KHDRBS2: variants seen among roughly 807,000 people sequenced by gnomAD.
KHDRBS2 encodes the protein KH domain-containing, RNA-binding, signal transduction-associated protein 2.
Under a neutral mutation model 44.3 loss-of-function variants are expected in KHDRBS2, and 26 were observed. The observed-to-expected ratio is 0.59, with a 90% CI of 0.43 to 0.81. The LOEUF is 0.81. Among genes scored for constraint, KHDRBS2 ranks in the 40% least tolerant of loss-of-function variants. KHDRBS2 has a pLI of 0.00. For synonymous variants in KHDRBS2, 194 were observed against 151.1 expected (o/e 1.28, Z -2.08); for missense variants, 476 against 433.1 (o/e 1.10, Z -0.88).
chr6:61,772,444 G>A, intron 6 of KHDRBS2, among the ~76,000 whole-genome samples: 1 of 151,954 alleles, frequency 6.6e-6, no homozygotes, highest in Middle Eastern at 3.4e-3. Context: ...AAGAAGAAAA[G>A]AATAAAATAG....
At chr6:61,693,634 T>C (rs935501812) in intron 8 of KHDRBS2, among the ~76,000 whole-genome samples, 7 of 152,318 alleles carry the variant, frequency 4.6e-5, no homozygotes, top group Admixed American at 4.6e-4. Context: ...TTCTACATTT[T>C]CCTTATTACT....
chr6:61,865,858 A>C (rs1797708649), intron 6 of KHDRBS2, among the ~76,000 whole-genome samples: 1 of 152,216 alleles, frequency 6.6e-6, no homozygotes, highest in Non-Finnish European at 1.5e-5. Context: ...TTAAAGCTCC[A>C]AAATGATCTC....
chr6:61,949,124 TG>T (rs1243925513), intron 4 of KHDRBS2, among the ~76,000 whole-genome samples: 3 of 152,120 alleles, frequency 2.0e-5, no homozygotes, highest in African/African-American at 4.8e-5. Context: ...GAAGAGGCTG[TG>T]ATTGTCATCC....
At chr6:61,769,331 G>A (rs909763796) in intron 6 of KHDRBS2, among the ~76,000 whole-genome samples, 1 of 152,108 alleles carries the variant, frequency 6.6e-6, no homozygotes, top group Non-Finnish European at 1.5e-5. Flanking sequence ...AGTGGGTGCA[G>A]CGCACTGTGC....
chr6:61,571,022 G>A, the KHDRBS2 span, among the ~76,000 whole-genome samples: 2 of 151,658 alleles, frequency 1.3e-5, no homozygotes, highest in Non-Finnish European at 2.9e-5. Flanking sequence ...AAAAAACAAG[G>A]TATTAAGGCA....
chr6:61,902,169 G>A (rs1280612705), intron 4 of KHDRBS2, among the ~76,000 whole-genome samples: 5 of 151,990 alleles, frequency 3.3e-5, no homozygotes, highest in Non-Finnish European at 5.9e-5. Flanking sequence ...GGCTGGTCTC[G>A]AACTCCTGGT....
At chr6:61,695,455 G>A (rs1339972827) in intron 8 of KHDRBS2, among the ~76,000 whole-genome samples, 1 of 152,076 alleles carries the variant, frequency 6.6e-6, no homozygotes, top group Admixed American at 6.6e-5. Context: ...ATAGATAGAT[G>A]TATAATTTCT....
At chr6:61,792,915 C>G (rs1021357311) in intron 6 of KHDRBS2, among the ~76,000 whole-genome samples, 3 of 151,552 alleles carry the variant, frequency 2.0e-5, no homozygotes, top group Admixed American at 6.6e-5. Flanking sequence ...GTATCCATAC[C>G]AAAATTCAGA....
At chr6:62,067,929 T>C (rs771815872) in intron 2 of KHDRBS2, among the ~76,000 whole-genome samples, 15 of 151,622 alleles carry the variant, frequency 9.9e-5, no homozygotes, top group Admixed American at 2.0e-4. Context: ...ATTATGTGGA[T>C]ATATTTTGTC....
intron 6 of KHDRBS2, among the ~76,000 whole-genome samples, chr6:61,883,461 G>T (rs1435870283): frequency 6.6e-6 from 1 of 152,048 alleles, no homozygotes. Context: ...TAGTCATCAT[G>T]TTAATTATAA....
intron 1 of KHDRBS2, among the ~76,000 whole-genome samples, chr6:62,234,428 C>G (rs1213811095): frequency 2.0e-5 from 3 of 152,038 alleles, no homozygotes; most frequent in African/African-American, 7.2e-5. Context: ...ACTTAGAGAA[C>G]TTTTTATATG....
intron 2 of KHDRBS2, among the ~76,000 whole-genome samples, chr6:62,048,992 C>CT (rs912380817): frequency 6.6e-6 from 1 of 151,158 alleles, no homozygotes; most frequent in Non-Finnish European, 1.5e-5. Flanking sequence ...CTTCTCTTCT[C>CT]TTTTTTCTTT....
intron 6 of KHDRBS2, among the ~76,000 whole-genome samples, chr6:61,810,147 A>AGCCAGTGGGTC (rs1357472927): frequency 2.0e-5 from 3 of 152,102 alleles, no homozygotes; most frequent in Non-Finnish European, 4.4e-5. Context: ...CTGTGATACC[A>AGCCAGTGGGTC]GCCAGTGGGT....
chr6:61,768,096 T>G (rs1780272263), intron 6 of KHDRBS2, among the ~76,000 whole-genome samples: 1 of 152,162 alleles, frequency 6.6e-6, no homozygotes, highest in African/African-American at 2.4e-5. Context: ...TTGAAGCATA[T>G]TTTTACTGGC....
chr6:61,646,319 A>G, the KHDRBS2 span, among the ~76,000 whole-genome samples: 1 of 152,164 alleles, frequency 6.6e-6, no homozygotes, highest in Non-Finnish European at 1.5e-5. Flanking sequence ...CCAGAGTAAC[A>G]AGTCTCTTAA....
chr6:62,285,277 G>A (rs1039565926), intron 1 of KHDRBS2, among the ~76,000 whole-genome samples: 1 of 152,110 alleles, frequency 6.6e-6, no homozygotes, highest in Non-Finnish European at 1.5e-5. Flanking sequence ...ATATCTCACA[G>A]AGTACCCAAT....
chr6:61,545,275 A>T, the KHDRBS2 span, among the ~76,000 whole-genome samples: 1 of 151,994 alleles, frequency 6.6e-6, no homozygotes. Flanking sequence ...GTGAGACCCC[A>T]TCTTTATAAA....
At chr6:61,627,188 G>C in the KHDRBS2 span, among the ~76,000 whole-genome samples, 2 of 147,946 alleles carry the variant, frequency 1.4e-5, no homozygotes, top group African/African-American at 5.0e-5. Flanking sequence ...GGGAGGCGGA[G>C]CTTGCAGTGA....
chr6:61,614,336 C>T, the KHDRBS2 span, among the ~76,000 whole-genome samples: 2 of 152,072 alleles, frequency 1.3e-5, no homozygotes, highest in African/African-American at 2.4e-5. Flanking sequence ...ATCAGTTCAC[C>T]TGCCATGATG....
Sources: allele counts gnomAD v4.1 joint callset (sites outside exome capture counted in the v4.1 genomes callset), GRCh38; gene constraint gnomAD v4.1.1; transcripts MANE v1.5; gene names NCBI Gene and HGNC (gene_info 2026-07-23, HGNC 2026-07-21).